The following RUVBL2 variants were observed in gnomAD, a reference collection of about 807,000 sequenced individuals.
RUVBL2 encodes the protein ruvB-like 2.
RUVBL2 carries 9 observed loss-of-function variants against 57.9 expected under a neutral mutation model. That is an observed-to-expected ratio of 0.16 (90% confidence interval 0.09 to 0.27). The LOEUF is 0.27. Among genes scored for constraint, RUVBL2 ranks in the 10% least tolerant of loss-of-function variants. RUVBL2 has a pLI of 1.00. For synonymous variants in RUVBL2, 278 were observed against 264.6 expected, an observed-to-expected ratio of 1.05 and a Z score of -0.49; for missense variants, 456 against 669.6, an observed-to-expected ratio of 0.68 and a Z score of 3.52.
intron 1 of RUVBL2, among the ~76,000 whole-genome samples, chr19:48,997,199 T>A (rs749201106): frequency 6.6e-6 from 1 of 152,190 alleles, no homozygotes; most frequent in Non-Finnish European, 1.5e-5. Context: ...CACTAATCTT[T>A]CTCTGTATAT....
At chr19:49,014,410 T>C (rs1013239540) in intron 11 of RUVBL2, 74 bp from the exon 12 acceptor site, 2 of 1,542,662 alleles carry the variant, frequency 1.3e-6, no homozygotes, top group African/African-American at 1.4e-5. Context: ...CGATGGGAGG[T>C]GAGAGTGTTC....
Position 49,010,483 on chromosome 19 carries a change from C to CCAACAACAACAA in RUVBL2, c.664-5_664-4insCAACAACAACAA. The CCAACAACAACAA allele has an allele frequency of 6.3e-7, 1 of 1,575,982 alleles. No individual in the cohort carries two copies. Among genetic ancestry groups the CCAACAACAACAA allele is most frequent in the Non-Finnish European group, 8.7e-7 (1 of 1,148,108 alleles). On this transcript the variant is annotated splice_polypyrimidine_tract_variant and splice_region_variant and intron_variant, in intron 8 of 14. Transcript: ENST00000595090. ...CGCCGTTCTTCCCCCACCCCCGCCC[C>CCAACAACAACAA]ATAGACCAAGTTCGTGCAGTGCCCA...
intron 4 of RUVBL2, among the ~76,000 whole-genome samples, chr19:49,005,500 G>A (rs1429623420): frequency 3.9e-5 from 6 of 152,120 alleles, no homozygotes; most frequent in Non-Finnish European, 8.8e-5. Flanking sequence ...GGCTTCCAGA[G>A]AAGCGGATAC....
At chr19:48,999,877 A>G (rs1438433792) in intron 2 of RUVBL2, among the ~76,000 whole-genome samples, 3 of 152,208 alleles carry the variant, frequency 2.0e-5, no homozygotes, top group Non-Finnish European at 4.4e-5. Flanking sequence ...TTTTCAGGAC[A>G]GCTAAATCAC....
intron 12 of RUVBL2, 108 bp downstream of exon 12, chr19:49,014,711 A>G (rs1402254140): frequency 3.5e-6 from 5 of 1,449,090 alleles, no homozygotes; most frequent in African/African-American, 1.4e-5. Context: ...CTGGGCCTAC[A>G]GGAGAGAGGG....
In RUVBL2 at chr19:48,999,202, C is replaced by T. The variant is rs976137832; in HGVS notation, c.13-117C>T. On this transcript the variant is annotated intron_variant, in intron 1 of 14. Transcript: ENST00000595090. Reference sequence around the variant, plus strand: ...GGGTGGGGGTGACTGGTGCCTGTCCCATCGCCTGCCTGTGAGGGGAAGGAG... The same window carrying T: ...GGGTGGGGGTGACTGGTGCCTGTCCTATCGCCTGCCTGTGAGGGGAAGGAG... The T allele has an allele frequency of 9.1e-6, 10 of 1,102,410 alleles. No individual in the cohort carries two copies. In the African/African-American group the frequency reaches 1.5e-4, roughly 17 times the overall value. 68.3% of individuals were successfully genotyped at this position (1,102,410 alleles called of 1,614,324 possible).
At chr19:49,014,043 C>T (rs1266683227) in intron 11 of RUVBL2, among the ~76,000 whole-genome samples, 1 of 152,252 alleles carries the variant, frequency 6.6e-6, no homozygotes, top group Non-Finnish European at 1.5e-5. Context: ...CCAGTAGGAG[C>T]AGTGGCTCAG....
At chr19:49,010,312 T>A (rs2039388229) in intron 8 of RUVBL2, 176 bp from the exon 9 acceptor site, 1 of 719,344 alleles carries the variant, frequency 1.4e-6, no homozygotes, top group Non-Finnish European at 2.3e-6. Context: ...CTCAGCGCTC[T>A]GGAATGTCCC....
Position 49,010,469 on chromosome 19 carries a change from C to CCG in RUVBL2, c.664-18_664-17insGC. ...CCCTGCCCTGTCTCCGCCGTTCTTC[C>CCG]CCCACCCCCGCCCCATAGACCAAGT... On this transcript the variant is annotated intron_variant, in intron 8 of 14. Transcript: ENST00000595090. The CCG allele has an allele frequency of 2.8e-6, 3 of 1,088,018 alleles. No individual in the cohort carries two copies. The highest frequency in any genetic ancestry group is 4.0e-6 in the Non-Finnish European group (3 of 757,544). 67.4% of individuals were successfully genotyped at this position (1,088,018 alleles called of 1,614,324 possible).
At chr19:48,993,702 G>A, upstream of RUVBL2, 1 of 635,152 alleles carries the variant, frequency 1.6e-6, no homozygotes, top group South Asian at 1.8e-5. Flanking sequence ...AGGAGACATT[G>A]GGAATGGACC....
Position 49,009,769 on chromosome 19 carries a change from C to T in RUVBL2, c.463-7C>T. ...GAGCCCCATCCCTGGCTTGTCCCCA[C>T]TCTCAGGGCTCCAAGGTGGGCAAAC... is the stretch of plus-strand genomic sequence containing the variant. On this transcript the variant is annotated splice_region_variant and splice_polypyrimidine_tract_variant and intron_variant, in intron 6 of 14. Coordinates refer to ENST00000595090, the MANE Select transcript of RUVBL2 (RefSeq NM_006666.3). The T allele has an allele frequency of 3.7e-6, 6 of 1,613,242 alleles. No homozygotes were observed. Among genetic ancestry groups the T allele is most frequent in the Non-Finnish European group, 5.1e-6 (6 of 1,179,280 alleles).
chr19:49,008,104 T>C (rs774106715), intron 6 of RUVBL2, among the ~76,000 whole-genome samples: 32 of 151,232 alleles, frequency 2.1e-4, no homozygotes, highest in Non-Finnish European at 4.1e-4. Flanking sequence ...CACTTTTTAT[T>C]TGGGTATAAA....
At position 49,010,016 on chromosome 19, in the gene RUVBL2, C is replaced by G. The variant is rs1062708; in HGVS notation, c.613C>G (p.Leu205Val). The part of the protein sequence containing the change: ...IDKATGKISK[L>V]GRSFTRARDY... ...CAAGGCGACGGGCAAGATCTCCAAG[C>G]TGGGCCGCTCCTTCACACGCGCCCG... Residue 205 changes from leucine to valine, a missense_variant, in exon 8 of 15, where the codon CTG becomes GTG. Around this residue, in one of 5 missense-constraint regions of RUVBL2, gnomAD observed 233 missense variants for 306.0 expected, o/e 0.76. Coordinates refer to ENST00000595090, the MANE Select transcript of RUVBL2 (RefSeq NM_006666.3). 12 of 1,590,124 alleles carry G rather than the reference C, an allele frequency of 7.5e-6. 1 individual carries two copies. Among genetic ancestry groups the G allele is most frequent in the South Asian group, 5.7e-5 (5 of 87,892 alleles).
chr19:49,005,962 C>A (rs2039274554), intron 4 of RUVBL2, among the ~76,000 whole-genome samples: 1 of 152,214 alleles, frequency 6.6e-6, no homozygotes, highest in African/African-American at 2.4e-5. Flanking sequence ...TGTGACTGTG[C>A]CCGGCCTCGC....
In RUVBL2 at chr19:49,005,636, CTTCA is replaced by C. The variant is rs1295684562; in HGVS notation, c.265+1221_265+1224del. ...CCATCCTTTCTGCTTTCCTACTCTT[CTTCA>C]TTTTTTTTTTTTTTTGAGACAGTTT... On this transcript the variant is annotated intron_variant, in intron 4 of 14. Transcript: ENST00000595090. 3.0e-3 allele frequency among the ~76,000 whole-genome samples: 447 copies of C among 149,164 alleles called. 1 individual carries two copies. Among genetic ancestry groups the C allele is most frequent in the Middle Eastern group, 0.014 (4 of 294 alleles).
At chr19:49,010,700 G>A in intron 9 of RUVBL2, 89 bp downstream of exon 9, 1 of 1,554,204 alleles carries the variant, frequency 6.4e-7, no homozygotes, top group South Asian at 1.2e-5. Context: ...CTCCGAGTGT[G>A]GCCCACCTGC....
chr19:48,999,195 C>A, intron 1 of RUVBL2, 124 bp from the exon 2 acceptor site: 4 of 1,015,038 alleles, frequency 3.9e-6, no homozygotes, highest in Non-Finnish European at 4.7e-6. Flanking sequence ...GTGACTGGTG[C>A]CTGTCCCATC....
In RUVBL2 at chr19:49,006,318, G is replaced by T. The variant is rs140932550; in HGVS notation, c.266-700G>T. On this transcript the variant is annotated intron_variant, in intron 4 of 14. Coordinates refer to ENST00000595090, the MANE Select transcript of RUVBL2 (RefSeq NM_006666.3). ...AGGGAACTGGAAGGAAAGGTCTGGC[G>T]TTCAGAGCTATTGCTGGAGACAGAC... is the stretch of plus-strand genomic sequence containing the variant. Among the ~76,000 whole-genome samples, 567 of 152,368 alleles carry T rather than the reference G, an allele frequency of 3.7e-3. 23 individuals carry two copies. Among genetic ancestry groups the T allele is most frequent in the Admixed American group, 0.034 (515 of 15,304 alleles).
intron 11 of RUVBL2, among the ~76,000 whole-genome samples, chr19:49,012,301 C>T (rs1489354656): frequency 2.0e-5 from 3 of 152,148 alleles, no homozygotes; most frequent in Admixed American, 6.5e-5. Flanking sequence ...TCCTTGGATC[C>T]GCAGAAGAAG....
Sources: gnomAD v4.1 joint callset for allele counts (sites outside exome capture counted in the v4.1 genomes callset) on GRCh38, gnomAD v4.1.1 for gene constraint, gnomAD v4.1.1 regional missense constraint, MANE v1.5 for transcripts, NCBI Gene and HGNC (gene_info 2026-07-23, HGNC 2026-07-21) for gene names.